KIAA1958: variants seen among roughly 807,000 people sequenced by gnomAD.
KIAA1958 encodes the protein uncharacterized protein KIAA1958.
A neutral mutation model predicts 47.2 loss-of-function variants in KIAA1958; 14 were observed. That is an observed-to-expected ratio of 0.30 (90% CI 0.20 to 0.46). The LOEUF is 0.46. Ranked by LOEUF, KIAA1958 falls within the 20% of genes least tolerant of loss-of-function variation. KIAA1958 has a pLI of 1.00. For missense variants in KIAA1958, 803 were observed against 909.2 expected (o/e 0.88, Z 1.50); for synonymous variants, 354 against 353.3 (o/e 1.00, Z -0.02).
Position 112,666,349 on chromosome 9 carries a change from A to T in KIAA1958, c.*6280A>T, listed in dbSNP as rs547964627. On this transcript the variant is annotated 3_prime_UTR_variant, in exon 4 of 4. Transcript: ENST00000337530. ...GTTATATGAAACTCTGAGATCATCTAGTCAAATTCCCCCATTTTATCAATA... is the reference window on the plus strand; with the variant it reads ...GTTATATGAAACTCTGAGATCATCTTGTCAAATTCCCCCATTTTATCAATA... 6.6e-6 allele frequency: 1 copy of T among 152,304 alleles called. No homozygotes were observed. The highest frequency in any genetic ancestry group is 1.9e-4 in the East Asian group (1 of 5,196). 9.4% of individuals were successfully genotyped at this position (152,304 alleles called of 1,614,324 possible).
chr9:112,545,040 C>G (rs1021217509), intron 1 of KIAA1958, among the ~76,000 whole-genome samples: 3 of 152,132 alleles, frequency 2.0e-5, no homozygotes, highest in African/African-American at 7.2e-5. Context: ...TGTGAGGGCT[C>G]AGACTCTTAA....
chr9:112,538,729 A>G (rs1417723403), intron 1 of KIAA1958, among the ~76,000 whole-genome samples: 1 of 152,192 alleles, frequency 6.6e-6, no homozygotes, highest in African/African-American at 2.4e-5. Flanking sequence ...GTATATCCTT[A>G]AGAGTATTGA....
Position 112,596,628 on chromosome 9 carries a change from A to G in KIAA1958, c.1171+21377A>G, listed in dbSNP as rs145094836. ...GAACTTCTCAAAAATATGTGTTGCT[A>G]TTGTCCACTGACCCACTTAGAAATC... On this transcript the variant is annotated intron_variant, in intron 2 of 3. Transcript: ENST00000337530. Among the ~76,000 whole-genome samples, 407 of 152,256 alleles carry G rather than the reference A, an allele frequency of 2.7e-3. 2 individuals carry two copies. Among genetic ancestry groups the G allele is most frequent in the African/African-American group, 9.5e-3 (393 of 41,550 alleles).
At chr9:112,528,062 A>G (rs1564160400) in intron 1 of KIAA1958, among the ~76,000 whole-genome samples, 1 of 152,044 alleles carries the variant, frequency 6.6e-6, no homozygotes, top group Non-Finnish European at 1.5e-5. Context: ...TCACTGTTTG[A>G]TTAATAATTC....
intron 1 of KIAA1958, among the ~76,000 whole-genome samples, chr9:112,549,142 T>C (rs895885696): frequency 1.8e-4 from 27 of 152,212 alleles, no homozygotes; most frequent in Admixed American, 2.6e-4. Flanking sequence ...GATTATATAG[T>C]GTTTAGTTTT....
At chr9:112,519,885 A>C (rs995228352) in intron 1 of KIAA1958, among the ~76,000 whole-genome samples, 1 of 152,200 alleles carries the variant, frequency 6.6e-6, no homozygotes, top group African/African-American at 2.4e-5. Flanking sequence ...TTATTATAGC[A>C]TTTAATTAGT....
chr9:112,652,393 G>A (rs1037174116), intron 3 of KIAA1958, among the ~76,000 whole-genome samples: 4 of 152,166 alleles, frequency 2.6e-5, no homozygotes, highest in African/African-American at 9.7e-5. Context: ...CTAAAACTGA[G>A]TCAGAGAAAA....
At chr9:112,623,429 C>G (rs868736861) in intron 2 of KIAA1958, among the ~76,000 whole-genome samples, 22 of 152,290 alleles carry the variant, frequency 1.4e-4, no homozygotes, top group Middle Eastern at 6.8e-3. Flanking sequence ...CCATTAAGCA[C>G]TCTCTTTTTC....
intron 2 of KIAA1958, among the ~76,000 whole-genome samples, chr9:112,596,076 C>T (rs918148661): frequency 2.6e-5 from 4 of 152,048 alleles, no homozygotes. Flanking sequence ...TGAGCCACCG[C>T]ACCCAGCCGA....
chr9:112,660,282 G>A lies in KIAA1958; in HGVS notation c.*213G>A. The A allele has an allele frequency of 1.7e-6, 1 of 572,854 alleles. No homozygotes were observed. The highest frequency in any genetic ancestry group is 3.1e-6 in the Non-Finnish European group (1 of 320,876). 35.5% of individuals were successfully genotyped at this position (572,854 alleles called of 1,614,324 possible). ...TCATTCGGATGGTTTATCCAAATGT[G>A]CGTCAACTTCGTTAGCTTTTAGAAT... On this transcript the variant is annotated 3_prime_UTR_variant, in exon 4 of 4. Transcript: ENST00000337530.
At chr9:112,587,389 A>T (rs1174849959) in intron 2 of KIAA1958, among the ~76,000 whole-genome samples, 1 of 152,178 alleles carries the variant, frequency 6.6e-6, no homozygotes, top group African/African-American at 2.4e-5. Context: ...ACCTCAAGTG[A>T]TCCACCCGCT....
At chr9:112,644,432 G>A (rs547419711) in intron 2 of KIAA1958, among the ~76,000 whole-genome samples, 1 of 152,310 alleles carries the variant, frequency 6.6e-6, no homozygotes, top group South Asian at 2.1e-4. Context: ...GCCCTAGCCA[G>A]TTAGCACCTT....
intron 2 of KIAA1958, among the ~76,000 whole-genome samples, chr9:112,609,486 G>A (rs1041976916): frequency 3.9e-5 from 6 of 152,116 alleles, no homozygotes; most frequent in Non-Finnish European, 7.4e-5. Flanking sequence ...AAGGATGTAA[G>A]GAAAATTGAA....
Position 112,645,784 on chromosome 9 carries a change from A to G in KIAA1958, c.1306A>G (p.Met436Val), listed in dbSNP as rs1272134222. 3 of 1,614,038 alleles carry G rather than the reference A, an allele frequency of 1.9e-6. No homozygotes were observed. Among genetic ancestry groups the G allele is most frequent in the Non-Finnish European group, 2.5e-6 (3 of 1,179,976 alleles). ...CTTGAATGTGTGGCGTTATTGGTGC[A>G]TGACCAACGGGCTCAAAGACCACAC... The part of the protein sequence containing the change: ...YALNVWRYWC[M>V]TNGLKDHTDI... The change falls in exon 3 of 4, where the codon ATG becomes GTG. Residue 436 changes from methionine to valine, a missense_variant. Met to Val is a conservative substitution (Grantham distance 21). Transcript: ENST00000337530.
intron 1 of KIAA1958, among the ~76,000 whole-genome samples, chr9:112,525,750 A>G (rs1462036039): frequency 6.6e-6 from 1 of 151,694 alleles, no homozygotes; most frequent in Non-Finnish European, 1.5e-5. Context: ...TGTGTCCTTG[A>G]TTATTGTTAC....
intron 2 of KIAA1958, among the ~76,000 whole-genome samples, chr9:112,615,471 A>G (rs962161590): frequency 6.6e-6 from 1 of 151,746 alleles, no homozygotes; most frequent in Admixed American, 6.6e-5. Flanking sequence ...GTATTTCATG[A>G]TATGATTTGA....
chr9:112,492,509 C>T (rs1564147256), intron 1 of KIAA1958, among the ~76,000 whole-genome samples: 1 of 152,174 alleles, frequency 6.6e-6, no homozygotes, highest in Non-Finnish European at 1.5e-5. Flanking sequence ...CACAGTCCAT[C>T]CCTCTACCTA....
intron 1 of KIAA1958, among the ~76,000 whole-genome samples, chr9:112,540,957 C>T (rs764512324): frequency 6.6e-6 from 1 of 152,000 alleles, no homozygotes; most frequent in Non-Finnish European, 1.5e-5. Flanking sequence ...CTGGCTCAAG[C>T]GGTTGGCCCA....
At chr9:112,528,962 C>CT (rs887388796) in intron 1 of KIAA1958, among the ~76,000 whole-genome samples, 13 of 151,590 alleles carry the variant, frequency 8.6e-5, no homozygotes, top group Non-Finnish European at 1.3e-4. Flanking sequence ...TCCTTTAGAA[C>CT]TTTTTTTTTG....
Sources: gnomAD v4.1 joint callset for allele counts (sites outside exome capture counted in the v4.1 genomes callset) on GRCh38, gnomAD v4.1.1 for gene constraint, MANE v1.5 for transcripts, NCBI Gene and HGNC (gene_info 2026-07-23, HGNC 2026-07-21) for gene names.